Variants in APBB2 observed in about 807,000 individuals in gnomAD.
APBB2 encodes the protein amyloid beta precursor protein binding family B member 2.
Under a neutral mutation model 82.5 loss-of-function variants are expected in APBB2, and 38 were observed. That is an observed-to-expected ratio of 0.46 (90% CI 0.36 to 0.60). The LOEUF is 0.60. Among genes scored for constraint, APBB2 ranks in the 20% least tolerant of loss-of-function variants. The probability of loss-of-function intolerance (pLI) is 0.00; values close to 1 mark genes in which losing one functional copy is unlikely to be tolerated. For synonymous variants in APBB2, 341 were observed against 368.2 expected, an observed-to-expected ratio of 0.93 and a Z score of 0.85; for missense variants, 772 against 972.3, an observed-to-expected ratio of 0.79 and a Z score of 2.74.
chr4:41,145,079 C>G lies in APBB2; in HGVS notation c.-416-1937G>C, dbSNP rs914363498. On this transcript the variant is annotated intron_variant, in intron 1 of 17. Transcript: ENST00000508593. ...GGGCTGCAGTGAGCCATGTTCACGT[C>G]ACTATACTCCAGTCTGGGAGACAGA... Among the ~76,000 whole-genome samples, 4 of 152,330 alleles carry G rather than the reference C, an allele frequency of 2.6e-5. No homozygotes were observed. The East Asian group carries it at 7.7e-4, about 29-fold the overall frequency.
At chr4:40,903,232 C>T (rs1256163154) in intron 10 of APBB2, among the ~76,000 whole-genome samples, 5 of 151,852 alleles carry the variant, frequency 3.3e-5, no homozygotes, top group East Asian at 1.9e-4. Flanking sequence ...AGGCCAAGGC[C>T]GGTGGATCAC....
intron 1 of APBB2, among the ~76,000 whole-genome samples, chr4:41,208,898 A>T (rs1778628382): frequency 6.6e-6 from 1 of 152,242 alleles, no homozygotes; most frequent in South Asian, 2.1e-4. Flanking sequence ...CTCTGATTAT[A>T]AAATAAATAT....
rs145164306 is a variant in APBB2, at chr4:41,006,385, A to G, written c.835+7198T>C. Among the ~76,000 whole-genome samples the G allele has an allele frequency of 1.7e-3, 260 of 152,320 alleles. 1 individual carries two copies. The highest frequency in any genetic ancestry group is 6.1e-3 in the African/African-American group (252 of 41,576). ...AACAGGAAGGCTAGTGAGTCACCCA[A>G]GGTCCTTAAAAGATTAAAATTAATG... On this transcript the variant is annotated intron_variant, in intron 6 of 17. Coordinates refer to ENST00000508593, the MANE Select transcript of APBB2 (RefSeq NM_004307.2).
intron 3 of APBB2, among the ~76,000 whole-genome samples, chr4:41,068,755 G>A (rs1269530865): frequency 6.8e-6 from 1 of 146,312 alleles, no homozygotes; most frequent in Non-Finnish European, 1.5e-5. Flanking sequence ...AGGTGTACGT[G>A]TAGTTTAATT....
chr4:40,977,053 T>A (rs894518382), intron 6 of APBB2, among the ~76,000 whole-genome samples: 5 of 150,412 alleles, frequency 3.3e-5, no homozygotes, highest in African/African-American at 1.2e-4. Flanking sequence ...CAAAAAAAAA[T>A]AGATTTTCAT....
At chr4:40,980,233 A>G (rs894404086) in intron 6 of APBB2, among the ~76,000 whole-genome samples, 1 of 152,180 alleles carries the variant, frequency 6.6e-6, no homozygotes, top group Non-Finnish European at 1.5e-5. Flanking sequence ...TATGTTGCCC[A>G]GACTGGTCTC....
intron 11 of APBB2, 73 bp from the exon 12 acceptor site, chr4:40,890,564 A>C: frequency 2.5e-6 from 4 of 1,570,992 alleles, no homozygotes; most frequent in Middle Eastern, 1.7e-4. Context: ...GTGGCCATCT[A>C]GGAATGCCGT....
At chr4:40,886,807 A>C (rs1407250879) in intron 12 of APBB2, among the ~76,000 whole-genome samples, 3 of 152,178 alleles carry the variant, frequency 2.0e-5, no homozygotes, top group Admixed American at 6.5e-5. Context: ...AAGCAGGCCA[A>C]CCTGGGTGCT....
At chr4:40,926,402 T>C (rs1782614387) in intron 10 of APBB2, among the ~76,000 whole-genome samples, 1 of 152,128 alleles carries the variant, frequency 6.6e-6, no homozygotes, top group Non-Finnish European at 1.5e-5. Flanking sequence ...CCTTCACCCA[T>C]TCCCACCTCC....
At chr4:41,013,313 T>C (rs115570974) in intron 6 of APBB2, among the ~76,000 whole-genome samples, 2,792 of 152,286 alleles carry the variant, frequency 0.018, 90 homozygotes, top group African/African-American at 0.064. Context: ...TATATGATAT[T>C]TTACTGTACT....
rs530905955 is a variant in APBB2 at position 40,836,333 on chromosome 4, C to T, written c.1530-5756G>A. 7.2e-4 allele frequency among the ~76,000 whole-genome samples: 109 copies of T among 152,184 alleles called. 1 individual carries two copies. Among genetic ancestry groups the T allele is most frequent in the African/African-American group, 2.5e-3 (105 of 41,512 alleles). On this transcript the variant is annotated intron_variant, in intron 12 of 17. Coordinates refer to ENST00000508593, the MANE Select transcript of APBB2 (RefSeq NM_004307.2). ...CTCTACTAAAAATACAAAAATTAGG[C>T]GGGTGCGGTAGTGTGCACCTGTAAT... is the stretch of plus-strand genomic sequence containing the variant.
At chr4:40,896,584 T>C (rs1414093362) in intron 10 of APBB2, among the ~76,000 whole-genome samples, 1 of 152,268 alleles carries the variant, frequency 6.6e-6, no homozygotes, top group Non-Finnish European at 1.5e-5. Context: ...CTTGAACATT[T>C]GTTGAATGAA....
intron 6 of APBB2, among the ~76,000 whole-genome samples, chr4:41,002,008 G>C (rs1805387070): frequency 6.6e-6 from 1 of 152,128 alleles, no homozygotes; most frequent in South Asian, 2.1e-4. Context: ...ATTCCACATG[G>C]AATGCTAACC....
At chr4:41,065,347 T>C (rs1326243432) in intron 4 of APBB2, among the ~76,000 whole-genome samples, 3 of 152,176 alleles carry the variant, frequency 2.0e-5, no homozygotes, top group Non-Finnish European at 4.4e-5. Context: ...AAGGAGATTG[T>C]TGACATACAC....
At chr4:41,077,655 C>G (rs1450661969) in intron 3 of APBB2, among the ~76,000 whole-genome samples, 1 of 152,136 alleles carries the variant, frequency 6.6e-6, no homozygotes, top group Non-Finnish European at 1.5e-5. Context: ...TAAGGGAAGA[C>G]CAAATGATAT....
At chr4:40,915,573 A>G (rs1779633397) in intron 10 of APBB2, among the ~76,000 whole-genome samples, 1 of 152,242 alleles carries the variant, frequency 6.6e-6, no homozygotes. Flanking sequence ...GTTTTCTAAG[A>G]AAGGTTTTAC....
chr4:40,943,308 C>G (rs992900476), intron 7 of APBB2, among the ~76,000 whole-genome samples: 2 of 152,206 alleles, frequency 1.3e-5, no homozygotes, highest in Non-Finnish European at 2.9e-5. Context: ...AGGGCACTCT[C>G]TGGCTGGGAA....
chr4:40,835,912 G>C (rs2437339), intron 12 of APBB2, among the ~76,000 whole-genome samples: 2 of 152,042 alleles, frequency 1.3e-5, no homozygotes, highest in African/African-American at 4.8e-5. Context: ...TGAGGGAGGC[G>C]ATTAAGAATA....
At chr4:41,096,520 C>T (rs1484285494) in intron 3 of APBB2, among the ~76,000 whole-genome samples, 1 of 152,180 alleles carries the variant, frequency 6.6e-6, no homozygotes, top group African/African-American at 2.4e-5. Flanking sequence ...ACACTATATG[C>T]ATATAGGCTT....
Sources: gnomAD v4.1 joint callset for allele counts (sites outside exome capture counted in the v4.1 genomes callset) on GRCh38, gnomAD v4.1.1 for gene constraint, MANE v1.5 for transcripts, NCBI Gene and HGNC (gene_info 2026-07-23, HGNC 2026-07-21) for gene names.